Variants in LEMD1 observed in about 807,000 individuals in gnomAD.
LEMD1 encodes LEM domain containing 1.
A neutral mutation model predicts 17.4 loss-of-function variants in LEMD1; 18 were observed. The ratio of observed to expected loss-of-function variants is 1.04; its 90% CI spans 0.72 to 1.54. The LOEUF (loss-of-function observed/expected upper bound fraction) is 1.54. LEMD1 is among the 40% of genes most tolerant of loss of function. The pLI, the probability that LEMD1 is intolerant of heterozygous loss-of-function variation, is 0.00. For missense variants in LEMD1, 195 were observed against 210.4 expected, an observed-to-expected ratio of 0.93 and a Z score of 0.45; for synonymous variants, 88 against 77.8, an observed-to-expected ratio of 1.13 and a Z score of -0.69.
intron 1 of LEMD1, among the ~76,000 whole-genome samples, chr1:205,439,614 C>T (rs549860363): frequency 2.0e-4 from 30 of 152,318 alleles, no homozygotes; most frequent in African/African-American, 7.2e-4. Flanking sequence ...TATCTTGGGG[C>T]CTTGCCCTCT....
intron 1 of LEMD1, among the ~76,000 whole-genome samples, chr1:205,442,688 C>A (rs746957144): frequency 1.3e-5 from 2 of 152,168 alleles, no homozygotes; most frequent in African/African-American, 2.4e-5. Context: ...TATTTAATAA[C>A]CCGATTTCCA....
At chr1:205,389,037 CTTTTTTTTTTTTTT>C (rs61341380) in intron 4 of LEMD1, among the ~76,000 whole-genome samples, 3 of 77,830 alleles carry the variant, frequency 3.9e-5, no homozygotes, top group East Asian at 5.4e-4. Flanking sequence ...CATTTGCTTT[CTTTTTTTTTTTTTT>C]TTTTTTTTTT....
At position 205,383,872 on chromosome 1, in the gene LEMD1, G is replaced by A. The variant is rs553358026; in HGVS notation, c.347+416C>T. Among the ~76,000 whole-genome samples, 3 of 151,834 alleles carry A rather than the reference G, an allele frequency of 2.0e-5. No homozygotes were observed. In the East Asian group the frequency reaches 5.8e-4, roughly 29 times the overall value. ...ACTGGTCTCGAACTCCTGACCTCAG[G>A]CAATCCATCTGCCTCAGCCTCCCAA... On this transcript the variant is annotated intron_variant, in intron 5 of 5. Coordinates refer to ENST00000367153, the MANE Select transcript of LEMD1 (RefSeq NM_001199050.2).
chr1:205,442,743 G>C (rs2102467263), intron 1 of LEMD1, among the ~76,000 whole-genome samples: 1 of 152,282 alleles, frequency 6.6e-6, no homozygotes, highest in Admixed American at 6.5e-5. Flanking sequence ...ATAGTTAGCA[G>C]AGAGCAACCT....
At chr1:205,440,783 G>A (rs1666280459) in intron 1 of LEMD1, 1 of 152,532 alleles carries the variant, frequency 6.6e-6, no homozygotes, top group African/African-American at 2.4e-5. Flanking sequence ...GATGCCCTCG[G>A]GTGAGAGTCA....
intron 4 of LEMD1, among the ~76,000 whole-genome samples, chr1:205,397,968 T>C (rs377302576): frequency 3.5e-4 from 53 of 152,310 alleles, no homozygotes; most frequent in African/African-American, 9.9e-4. Context: ...TTCCACTATT[T>C]CCTCCTGCTG....
At chr1:205,447,472 G>A (rs568098526) in intron 1 of LEMD1, among the ~76,000 whole-genome samples, 84 of 152,180 alleles carry the variant, frequency 5.5e-4, no homozygotes, top group African/African-American at 1.9e-3. Context: ...CTGGGGACTG[G>A]AACAGGGAGT....
chr1:205,405,857 A>C (rs1665069871), intron 4 of LEMD1, among the ~76,000 whole-genome samples: 1 of 151,128 alleles, frequency 6.6e-6, no homozygotes, highest in Non-Finnish European at 1.5e-5. Flanking sequence ...GTCTTTGATG[A>C]TGGTGATGTA....
Position 205,441,878 on chromosome 1 carries a change from G to C in LEMD1, c.-39+7990C>G, listed in dbSNP as rs1666299035. Among the ~76,000 whole-genome samples the C allele has an allele frequency of 6.6e-6, 1 of 152,210 alleles. No homozygotes were observed. The highest frequency in any genetic ancestry group is 2.4e-5 in the African/African-American group (1 of 41,466). ...GACACGCTGTCCCCCACCTCTGGCT[G>C]ACCCGGCCCTCAGCAGGAGCCAGGG... On this transcript the variant is annotated intron_variant, in intron 1 of 3. Coordinates refer to the LEMD1 transcript ENST00000367154. This position sits in a 1 kb window ranked among gnomAD's most constrained non-coding sequence, Gnocchi z 4.3.
chr1:205,392,271 G>A (rs1012425646), intron 4 of LEMD1, among the ~76,000 whole-genome samples: 2 of 152,074 alleles, frequency 1.3e-5, no homozygotes, highest in African/African-American at 4.8e-5. Flanking sequence ...TGAAACAAAT[G>A]AAAAAATATA....
chr1:205,443,878 A>C (rs570697353), intron 1 of LEMD1, among the ~76,000 whole-genome samples: 99 of 152,282 alleles, frequency 6.5e-4, no homozygotes, highest in Non-Finnish European at 1.1e-3. Context: ...CAGAGTCCCC[A>C]GCAGCAGGTA....
chr1:205,425,638 C>T (rs1446402855), upstream of LEMD1, among the ~76,000 whole-genome samples: 4 of 152,058 alleles, frequency 2.6e-5, no homozygotes, highest in Admixed American at 2.6e-4. Flanking sequence ...AAGGAGCAGC[C>T]GGTGTAGTGG....
intron 3 of LEMD1, among the ~76,000 whole-genome samples, chr1:205,417,832 TAAAAAA>T (rs35330399): frequency 6.9e-6 from 1 of 144,016 alleles, no homozygotes; most frequent in Admixed American, 7.0e-5. Context: ...TCAGACATGG[TAAAAAA>T]AAAAAAAAAT....
At chr1:205,412,473 T>C (rs892232443) in intron 4 of LEMD1, among the ~76,000 whole-genome samples, 8 of 152,328 alleles carry the variant, frequency 5.3e-5, no homozygotes, top group African/African-American at 1.9e-4. Flanking sequence ...GTGGCTTGCA[T>C]TCCACTAGAA....
intron 1 of LEMD1, among the ~76,000 whole-genome samples, chr1:205,432,317 C>T (rs1328873278): frequency 6.6e-6 from 1 of 152,142 alleles, no homozygotes; most frequent in Non-Finnish European, 1.5e-5. Context: ...TGTGTGCTCC[C>T]GGTCTCCCAC....
chr1:205,399,879 G>A (rs1049286200), intron 4 of LEMD1, among the ~76,000 whole-genome samples: 3 of 152,182 alleles, frequency 2.0e-5, no homozygotes, highest in African/African-American at 7.2e-5. Context: ...AATAAATGAA[G>A]AAGGACTGAT....
chr1:205,420,195 G>A (rs1665895889), intron 2 of LEMD1, among the ~76,000 whole-genome samples: 1 of 152,124 alleles, frequency 6.6e-6, no homozygotes, highest in Non-Finnish European at 1.5e-5. Context: ...GTGTGCACCT[G>A]TAATCCCAGC....
intron 2 of LEMD1, among the ~76,000 whole-genome samples, chr1:205,419,699 C>T (rs1050689032): frequency 2.6e-5 from 4 of 152,206 alleles, no homozygotes; most frequent in Non-Finnish European, 4.4e-5. Context: ...TTCCTGACCT[C>T]AAGTGATCCA....
Position 205,421,970 on chromosome 1 carries a change from T to C in LEMD1, c.-39+20A>G, listed in dbSNP as rs898835335. ...GAAAAATATTCAAATGGAATCCAAC[T>C]GGATGATTAATTCACTTACCCCTTC... On this transcript the variant is annotated intron_variant, in intron 1 of 5. Transcript: ENST00000367153. 4.6e-5 allele frequency: 7 copies of C among 152,202 alleles called. No individual in the cohort carries two copies. The highest frequency in any genetic ancestry group is 1.7e-4 in the African/African-American group (7 of 41,450). 9.4% of individuals were successfully genotyped at this position (152,202 alleles called of 1,614,324 possible). A position where few individuals can be genotyped will look rare whatever the true frequency, so the allele number is the denominator to read the frequency against.
Sources: gnomAD v4.1 joint callset for allele counts (sites outside exome capture counted in the v4.1 genomes callset) on GRCh38, gnomAD v4.1.1 for gene constraint, Gnocchi (gnomAD v3.1) non-coding constraint, MANE v1.5 for transcripts, NCBI Gene and HGNC (gene_info 2026-07-23, HGNC 2026-07-21) for gene names.